The following MET variants were observed in gnomAD, a reference collection of about 807,000 sequenced individuals.
MET encodes hepatocyte growth factor receptor.
A neutral mutation model predicts 133.1 loss-of-function variants in MET; 48 were observed. The observed-to-expected ratio is 0.36, with a 90% CI of 0.29 to 0.46. MET has a LOEUF of 0.46. MET is among the 20% of genes least tolerant of loss of function. The pLI is 1.00. For synonymous variants in MET, 628 were observed against 616.5 expected (o/e 1.02, Z -0.28); for missense variants, 1,442 against 1,695.9 (o/e 0.85, Z 2.63).
intron 1 of MET, among the ~76,000 whole-genome samples, chr7:116,678,993 C>T (rs1421897564): frequency 6.6e-6 from 1 of 152,072 alleles, no homozygotes; most frequent in Non-Finnish European, 1.5e-5. Flanking sequence ...AATCTTGCAA[C>T]CATGACAGTA....
chr7:116,693,447 A>T (rs1418710509), intron 1 of MET, among the ~76,000 whole-genome samples: 1 of 152,208 alleles, frequency 6.6e-6, no homozygotes, highest in Non-Finnish European at 1.5e-5. Context: ...CTGGTTCAGC[A>T]TTATAATTTT....
intron 2 of MET, among the ~76,000 whole-genome samples, chr7:116,726,306 T>C (rs1400146578): frequency 1.3e-5 from 2 of 149,764 alleles, no homozygotes; most frequent in Non-Finnish European, 3.0e-5. Context: ...AAACAACAAT[T>C]GTAAGTCATG....
At chr7:116,695,214 A>G (rs1249561527) in intron 1 of MET, among the ~76,000 whole-genome samples, 1 of 151,966 alleles carries the variant, frequency 6.6e-6, no homozygotes, top group African/African-American at 2.4e-5. Flanking sequence ...CATAATATTT[A>G]TTTTTCCCAT....
rs1481812764 is a variant in MET at position 116,755,503 on chromosome 7, G to C, written c.1850G>C (p.Ser617Thr). 2 of 1,614,114 alleles carry C rather than the reference G, an allele frequency of 1.2e-6. No individual in the cohort carries two copies. Among genetic ancestry groups the C allele is most frequent in the Non-Finnish European group, 1.7e-6 (2 of 1,179,992 alleles). The change falls in exon 6 of 21, where the codon AGC becomes ACC. Residue 617 changes from serine (S) to threonine (T), a missense_variant. Physicochemically the swap from Ser to Thr is moderately conservative, Grantham distance 58 (BLOSUM62 1). Coordinates refer to ENST00000397752, the MANE Select transcript of MET (RefSeq NM_000245.4). ...AGCTGCACCTTGACTTTAAGTGAGA[G>C]CACGATGAATACGTAAGGATCTTAA... ...NESCTLTLSE[S>T]TMNTLKCTVG...
chr7:116,704,433 C>T (rs1459081145), intron 2 of MET, among the ~76,000 whole-genome samples: 1 of 152,002 alleles, frequency 6.6e-6, no homozygotes, highest in Admixed American at 6.6e-5. Context: ...TGTAAAAGGT[C>T]CCAACTTGGT....
At position 116,757,702 on chromosome 7, in the gene MET, T is replaced by C. The variant is rs1794241813; in HGVS notation, c.2030T>C (p.Leu677Ser). 1 of 1,614,000 alleles carries C rather than the reference T, an allele frequency of 6.2e-7. No homozygotes were observed. The change falls in exon 8 of 21, where the codon TTA becomes TCA. Residue 677 changes from leucine to serine, a missense_variant. Leu to Ser is a moderately radical substitution (Grantham distance 145). Around this residue, in one of 6 missense-constraint regions of MET, gnomAD observed 514 missense variants for 659.6 expected, o/e 0.78. Coordinates refer to ENST00000397752, the MANE Select transcript of MET (RefSeq NM_000245.4). Reference sequence around the variant, plus strand: ...ATGGCTGGTGGCACTTTACTTACTTTAACTGGAAATTACCTAAACAGTGGG... The same window carrying C: ...ATGGCTGGTGGCACTTTACTTACTTCAACTGGAAATTACCTAAACAGTGGG... ...GPMAGGTLLT[L>S]TGNYLNSGNS...
intron 12 of MET, among the ~76,000 whole-genome samples, chr7:116,771,070 C>G (rs927893511): frequency 6.6e-6 from 1 of 152,072 alleles, no homozygotes; most frequent in African/African-American, 2.4e-5. Context: ...CAATTATTTA[C>G]CTCTTATGGG....
At position 116,774,149 on chromosome 7, in the gene MET, T is replaced by TA. The variant is rs541167749; in HGVS notation, c.3029-721dup. On this transcript the variant is annotated intron_variant, in intron 14 of 20. Transcript: ENST00000397752. ...ATCAGCACCATTTCTTCCCCTGAAATAAAAAAAAAAATTCTCCTTGCAAAA... is the reference window on the plus strand; with the variant it reads ...ATCAGCACCATTTCTTCCCCTGAAATAAAAAAAAAAAATTCTCCTTGCAAAA... Among the ~76,000 whole-genome samples, 640 of 147,270 alleles carry TA rather than the reference T, an allele frequency of 4.3e-3. 10 individuals are homozygous for TA. Among genetic ancestry groups the TA allele is most frequent in the South Asian group, 0.021 (100 of 4,688 alleles).
At chr7:116,742,301 G>C (rs1179528378) in intron 5 of MET, among the ~76,000 whole-genome samples, 7 of 152,178 alleles carry the variant, frequency 4.6e-5, no homozygotes, top group East Asian at 1.9e-4. Flanking sequence ...TGATTGACCA[G>C]AGAATAAACT....
intron 19 of MET, among the ~76,000 whole-genome samples, chr7:116,789,552 G>A (rs567686687): frequency 2.6e-5 from 4 of 152,222 alleles, no homozygotes; most frequent in African/African-American, 7.2e-5. Flanking sequence ...ATGCTCCTTT[G>A]TAGTCAACCT....
chr7:116,772,001 T>C lies in MET; in HGVS notation c.3028+12T>C. On this transcript the variant is annotated intron_variant, in intron 14 of 20. Coordinates refer to ENST00000397752, the MANE Select transcript of MET (RefSeq NM_000245.4). ...TACTTTTCCAGAAGGTATATTTCAG[T>C]TTATTGTTCTGAGAAATACCTATAC... is the stretch of plus-strand genomic sequence containing the variant. The C allele has an allele frequency of 1.9e-6, 3 of 1,613,392 alleles. No homozygotes were observed. The highest frequency in any genetic ancestry group is 2.5e-6 in the Non-Finnish European group (3 of 1,179,524).
chr7:116,772,780 G>A (rs573202121), intron 14 of MET, among the ~76,000 whole-genome samples: 1 of 152,148 alleles, frequency 6.6e-6, no homozygotes, highest in African/African-American at 2.4e-5. Context: ...ACAAGTTCAA[G>A]AGCAATGAAG....
At chr7:116,690,815 A>G (rs1006365524) in intron 1 of MET, among the ~76,000 whole-genome samples, 2 of 152,262 alleles carry the variant, frequency 1.3e-5, no homozygotes, top group Non-Finnish European at 2.9e-5. Context: ...CTTAGTATCT[A>G]GTCAAGTACG....
rs751258225 is a variant in MET at position 116,755,961 on chromosome 7, GTGTT to G, written c.1862+449_1862+452del. Among the ~76,000 whole-genome samples the G allele has an allele frequency of 5.9e-4, 90 of 152,198 alleles. 1 individual carries two copies. The highest frequency in any genetic ancestry group is 1.1e-3 in the Non-Finnish European group (75 of 68,024). On this transcript the variant is annotated intron_variant, in intron 6 of 20. Coordinates refer to ENST00000397752, the MANE Select transcript of MET (RefSeq NM_000245.4). ...AAATGTAGTGAGGCAGCTGAATCAC[GTGTT>G]TGAGACTTTTTTAGATGAGTTAAAA...
Position 116,769,763 on chromosome 7 carries a change from T to C in MET, c.2702T>C (p.Leu901Pro), listed in dbSNP as rs755194593. 13 of 1,613,904 alleles carry C rather than the reference T, an allele frequency of 8.1e-6. No homozygotes were observed. In the South Asian group the frequency reaches 1.4e-4, roughly 18 times the overall value. The change falls in exon 12 of 21, where the codon CTG (leucine) becomes CCG (proline). Residue 901 changes from leucine (L) to proline (P), a missense_variant. By Grantham distance (98) the Leu-to-Pro change is moderately conservative. Coordinates refer to ENST00000397752, the MANE Select transcript of MET (RefSeq NM_000245.4). ...TTATGCACGGTCCCCAATGACCTGC[T>C]GAAATTGAACAGCGAGCTAAATATA... ...AVLCTVPNDL[L>P]KLNSELNIEW... is the part of the protein sequence containing the mutation.
chr7:116,739,924 G>A (rs1321397765), intron 3 of MET, 26 bp from the exon 4 acceptor site: 8 of 1,613,896 alleles, frequency 5.0e-6, no homozygotes, highest in Middle Eastern at 1.6e-4. Context: ...TTGGAATAAG[G>A]ATGTTATAAC....
intron 1 of MET, among the ~76,000 whole-genome samples, chr7:116,689,899 T>C (rs758208761): frequency 6.6e-6 from 1 of 152,108 alleles, no homozygotes; most frequent in Non-Finnish European, 1.5e-5. Context: ...TACTGGTTCC[T>C]ATTTGTTTTT....
At chr7:116,695,995 C>T (rs192730265) in intron 1 of MET, among the ~76,000 whole-genome samples, 119 of 152,194 alleles carry the variant, frequency 7.8e-4, no homozygotes, top group African/African-American at 2.8e-3. Context: ...GCCTCAGCCT[C>T]CCAAGTAGCT....
intron 15 of MET, among the ~76,000 whole-genome samples, chr7:116,775,631 C>A (rs1420890847): frequency 6.6e-6 from 1 of 152,102 alleles, no homozygotes; most frequent in Non-Finnish European, 1.5e-5. Context: ...TGCTTGAACC[C>A]AGGAGGTGGA....
Sources: gnomAD v4.1 joint callset for allele counts (sites outside exome capture counted in the v4.1 genomes callset) on GRCh38, gnomAD v4.1.1 for gene constraint, gnomAD v4.1.1 regional missense constraint, MANE v1.5 for transcripts, NCBI Gene and HGNC (gene_info 2026-07-23, HGNC 2026-07-21) for gene names.